The following DACH2 variants were observed in gnomAD, a reference collection of about 807,000 sequenced individuals.
DACH2 encodes dachshund family transcription factor 2, also known as dachshund homolog 2.
In DACH2, 17 loss-of-function variants were observed where a neutral mutation model predicts 35.8. The ratio of observed to expected loss-of-function variants is 0.48; its 90% CI spans 0.33 to 0.71. DACH2 has a LOEUF of 0.71. Ranked by LOEUF, DACH2 falls within the 30% of genes least tolerant of loss-of-function variation. DACH2 has a pLI of 0.02. For synonymous variants in DACH2, 195 were observed against 177.3 expected (o/e 1.10, Z -0.79); for missense variants, 469 against 472.7 (o/e 0.99, Z 0.07).
intron 1 of DACH2, among the ~76,000 whole-genome samples, chrX:86,281,547 C>T (rs1178065837): frequency 4.5e-5 from 5 of 111,592 alleles, no homozygotes; most frequent in Non-Finnish European, 9.4e-5. Context: ...CAGTATCGTA[C>T]TGAATGGGCA....
chrX:86,525,704 A>G (rs2038621914), intron 3 of DACH2, among the ~76,000 whole-genome samples: 1 of 111,433 alleles, frequency 9.0e-6, no homozygotes, highest in Non-Finnish European at 1.9e-5. Context: ...CCCTGTGTTG[A>G]GAGGATCACT....
chrX:86,412,786 A>G (rs902503468), intron 2 of DACH2, among the ~76,000 whole-genome samples: 2 of 111,514 alleles, frequency 1.8e-5, no homozygotes, highest in African/African-American at 6.5e-5. Flanking sequence ...CACCTCAAGC[A>G]CCATTGGATC....
At chrX:86,330,842 C>T (rs1447917382) in intron 1 of DACH2, among the ~76,000 whole-genome samples, 1 of 111,194 alleles carries the variant, frequency 9.0e-6, no homozygotes, top group Non-Finnish European at 1.9e-5. Flanking sequence ...AGTATTTTCC[C>T]ATGAGGTGGA....
At chrX:86,531,383 G>T (rs775789179) in intron 3 of DACH2, among the ~76,000 whole-genome samples, 5 of 111,327 alleles carry the variant, frequency 4.5e-5, no homozygotes, top group Admixed American at 2.8e-4. Flanking sequence ...AGGGAAAAAT[G>T]GTTCTGTGGG....
chrX:86,151,878 A>T (rs906780979), intron 1 of DACH2, among the ~76,000 whole-genome samples: 3 of 110,879 alleles, frequency 2.7e-5, no homozygotes, highest in South Asian at 7.6e-4. Flanking sequence ...GAGGCCAGTG[A>T]GAGAGTAGAA....
intron 5 of DACH2, among the ~76,000 whole-genome samples, chrX:86,698,535 T>G (rs914350743): frequency 7.7e-5 from 5 of 65,018 alleles, no homozygotes; most frequent in Middle Eastern, 0.014. Context: ...TTTTTTTTTT[T>G]TTTTTTTTTT....
At chrX:86,281,481 G>T (rs1282413626) in intron 1 of DACH2, among the ~76,000 whole-genome samples, 2 of 111,385 alleles carry the variant, frequency 1.8e-5, no homozygotes, top group South Asian at 3.8e-4. Flanking sequence ...CAATCAACTA[G>T]GTATTGATGG....
intron 2 of DACH2, among the ~76,000 whole-genome samples, chrX:86,455,521 G>A (rs2037460167): frequency 8.9e-6 from 1 of 112,238 alleles, no homozygotes; most frequent in South Asian, 3.7e-4. Flanking sequence ...GACCAGTGAA[G>A]AGGAATAGAT....
At chrX:86,717,083 T>A (rs1408464488) in intron 6 of DACH2, among the ~76,000 whole-genome samples, 1 of 112,328 alleles carries the variant, frequency 8.9e-6, no homozygotes, top group Non-Finnish European at 1.9e-5. Context: ...TAAAACACTC[T>A]GATAAAAATT....
intron 1 of DACH2, among the ~76,000 whole-genome samples, chrX:86,212,584 G>T (rs2032469951): frequency 9.0e-6 from 1 of 110,942 alleles, no homozygotes; most frequent in Admixed American, 9.6e-5. Context: ...AATTACAGAA[G>T]AATTTGCCTG....
intron 1 of DACH2, among the ~76,000 whole-genome samples, chrX:86,356,899 C>A (rs181301740): frequency 9.0e-6 from 1 of 110,999 alleles, no homozygotes; most frequent in African/African-American, 3.3e-5. Flanking sequence ...TTTTAGTGCA[C>A]GTATCACTGG....
chrX:86,634,273 C>T (rs757443687), intron 3 of DACH2, among the ~76,000 whole-genome samples: 15 of 111,256 alleles, frequency 1.3e-4, no homozygotes, highest in South Asian at 3.8e-4. Flanking sequence ...GGAGACAAAT[C>T]GAAACCATAT....
At chrX:86,298,709 A>G (rs1464923712) in intron 1 of DACH2, among the ~76,000 whole-genome samples, 1 of 112,211 alleles carries the variant, frequency 8.9e-6, no homozygotes, top group Non-Finnish European at 1.9e-5. Context: ...GTACCTAATT[A>G]GATCAATCAT....
At chrX:86,283,887 CACACACAT>C (rs1331423629) in intron 1 of DACH2, among the ~76,000 whole-genome samples, 5 of 107,504 alleles carry the variant, frequency 4.7e-5, no homozygotes, top group African/African-American at 1.4e-4. Flanking sequence ...CACACACACA[CACACACAT>C]ACACACACAC....
At chrX:86,796,695 C>T (rs777276863) in intron 7 of DACH2, among the ~76,000 whole-genome samples, 1 of 112,029 alleles carries the variant, frequency 8.9e-6, no homozygotes, top group African/African-American at 3.2e-5. Context: ...TTCATAAAAA[C>T]AGAAAATGTG....
intron 6 of DACH2, among the ~76,000 whole-genome samples, chrX:86,720,522 C>T (rs1159454024): frequency 8.9e-6 from 1 of 111,894 alleles, no homozygotes; most frequent in African/African-American, 3.3e-5. Flanking sequence ...TCTTTGACTC[C>T]ATATCTCACA....
In DACH2 at chrX:86,645,399, A is replaced by G. The variant is rs773299872; in HGVS notation, c.641-5637A>G. 6.3e-5 allele frequency among the ~76,000 whole-genome samples: 7 copies of G among 111,409 alleles called. No individual in the cohort carries two copies. The South Asian group carries it at 2.6e-3, about 42-fold the overall frequency. ...GGTATCATGAAAAAGAAAAAAAATTAACATATGCTGGCAAGGTTACAAAGA... is the reference window on the plus strand; with the variant it reads ...GGTATCATGAAAAAGAAAAAAAATTGACATATGCTGGCAAGGTTACAAAGA... On this transcript the variant is annotated intron_variant, in intron 3 of 11. Transcript: ENST00000373125.
Position 86,296,413 on chromosome X carries a change from A to G in DACH2, c.489-80411A>G, listed in dbSNP as rs762007572. Among the ~76,000 whole-genome samples the G allele has an allele frequency of 4.8e-3, 509 of 106,336 alleles. 2 individuals are homozygous for G. Among genetic ancestry groups the G allele is most frequent in the Non-Finnish European group, 7.3e-3 (380 of 51,821 alleles). The allele number at this position is 106,336 out of a possible 115,157, so 92.3% of individuals were successfully genotyped here. On this transcript the variant is annotated intron_variant, in intron 1 of 11. Coordinates refer to ENST00000373125, the MANE Select transcript of DACH2 (RefSeq NM_053281.3). ...AAAAAAAAAAAAAAAAAAAAAAAGA[A>G]ATATCTTAAGTTAGTTCATGACATA...
intron 5 of DACH2, among the ~76,000 whole-genome samples, chrX:86,712,099 A>T (rs898716078): frequency 3.6e-5 from 4 of 111,658 alleles, no homozygotes; most frequent in Non-Finnish European, 5.6e-5. Flanking sequence ...TGACTGAAGC[A>T]GTGTAAACAA....
Sources: allele counts gnomAD v4.1 joint callset (sites outside exome capture counted in the v4.1 genomes callset), GRCh38; gene constraint gnomAD v4.1.1; transcripts MANE v1.5; gene names NCBI Gene and HGNC (gene_info 2026-07-23, HGNC 2026-07-21).